Variants in MPDZ observed in about 807,000 individuals in gnomAD.
MPDZ encodes multiple PDZ domain crumbs cell polarity complex component.
A neutral mutation model predicts 239.1 loss-of-function variants in MPDZ; 234 were observed. That is an observed-to-expected ratio of 0.98 (90% CI 0.88 to 1.09). MPDZ has a LOEUF of 1.09. Among genes scored for constraint, MPDZ ranks in the 50% least tolerant of loss-of-function variants. The pLI, the probability that MPDZ is intolerant of heterozygous loss-of-function variation, is 0.00. For missense variants in MPDZ, 3,175 were observed against 2,510.0 expected, an observed-to-expected ratio of 1.26 and a Z score of -5.66; for synonymous variants, 1,048 against 881.3, an observed-to-expected ratio of 1.19 and a Z score of -3.35.
In MPDZ at chr9:13,176,223, G is replaced by A. The variant is rs1403651787; in HGVS notation, c.2844C>T (p.Asn948=). 2 of 1,604,160 alleles carry A rather than the reference G, an allele frequency of 1.2e-6. No individual in the cohort carries two copies. The highest frequency in any genetic ancestry group is 2.2e-5 in the South Asian group (2 of 89,256). The part of the protein sequence containing the change: ...NAIEQQYECE[N]TIVWTESHLP... The stretch of plus-strand genomic sequence containing the variant: ...AATGAGATTCAGTCCACACTATTGT[G>A]TTTTCACATTCATATTGTTGTTCAA... The change falls in exon 20 of 47, where the codon AAC becomes AAT. Residue 948 remains asparagine, a synonymous_variant. Transcript: ENST00000319217.
chr9:13,219,458 A>C (rs1958787551), intron 8 of MPDZ, 101 bp downstream of exon 8: 1 of 1,009,760 alleles, frequency 9.9e-7, no homozygotes, highest in Non-Finnish European at 1.5e-6. Flanking sequence ...CTTTAGCACT[A>C]ATATAGGAAC....
intron 1 of MPDZ, among the ~76,000 whole-genome samples, chr9:13,268,994 T>C (rs931679526): frequency 1.3e-5 from 2 of 152,064 alleles, no homozygotes; most frequent in South Asian, 2.1e-4. Context: ...CTAATGATAA[T>C]ACAACCAGAT....
At chr9:13,165,457 A>G in intron 22 of MPDZ, 1 of 1,546,238 alleles carries the variant, frequency 6.5e-7, no homozygotes, top group Non-Finnish European at 8.7e-7. Context: ...TGGTGTTAAC[A>G]AATGTCAATG....
chr9:13,143,401 G>A, intron 27 of MPDZ, 65 bp downstream of exon 27: 1 of 1,213,112 alleles, frequency 8.2e-7, no homozygotes. Context: ...CAAAGACACA[G>A]TAGTAACAAA....
At chr9:13,169,592 C>A (rs1032578664) in intron 21 of MPDZ, among the ~76,000 whole-genome samples, 15 of 152,104 alleles carry the variant, frequency 9.9e-5, no homozygotes, top group African/African-American at 3.4e-4. Flanking sequence ...CCTAACTGGT[C>A]ACCTGCCTTC....
intron 16 of MPDZ, among the ~76,000 whole-genome samples, chr9:13,189,904 C>T (rs897232565): frequency 2.0e-5 from 3 of 152,014 alleles, no homozygotes; most frequent in Admixed American, 1.3e-4. Flanking sequence ...AATGTATCTT[C>T]CAATTCCAAG....
chr9:13,216,757 T>A lies in MPDZ; in HGVS notation c.1290+17A>T, dbSNP rs1309312036. On this transcript the variant is annotated intron_variant, in intron 10 of 46. Coordinates refer to ENST00000319217, the MANE Select transcript of MPDZ (RefSeq NM_001378778.1). ...ACCATGAAAATTAACAAAGCTATTGTTAAATGTGTAACTTACTGCTATAAT... is the reference window on the plus strand; with the variant it reads ...ACCATGAAAATTAACAAAGCTATTGATAAATGTGTAACTTACTGCTATAAT... 1 of 1,557,590 alleles carries A rather than the reference T, an allele frequency of 6.4e-7. No homozygotes were observed. The highest frequency in any genetic ancestry group is 8.8e-7 in the Non-Finnish European group (1 of 1,133,658).
At chr9:13,207,418 C>T (rs1215095335) in intron 10 of MPDZ, among the ~76,000 whole-genome samples, 1 of 152,178 alleles carries the variant, frequency 6.6e-6, no homozygotes, top group Non-Finnish European at 1.5e-5. Flanking sequence ...CTCTGCCCCT[C>T]AGCCACAGAG....
In MPDZ at chr9:13,176,333, G is replaced by C; in HGVS notation, c.2734C>G (p.Gln912Glu). Reference sequence around the variant, plus strand: ...TCCACCGAAGGTGTATTCTCATCCTGTCTTTGCAGGAGATTCTGGGTATAT... The same window carrying C: ...TCCACCGAAGGTGTATTCTCATCCTCTCTTTGCAGGAGATTCTGGGTATAT... Reference protein sequence around the residue: ...ELYTQNLLQRQDENTPSVDIS... With the variant: ...ELYTQNLLQREDENTPSVDIS... Residue 912 changes from glutamine (Q) to glutamate (E), a missense_variant, in exon 20 of 47, where the codon CAG becomes GAG. Gln to Glu is a conservative substitution (Grantham distance 29). Transcript: ENST00000319217. The C allele has an allele frequency of 2.5e-6, 4 of 1,608,534 alleles. No homozygotes were observed. Among genetic ancestry groups the C allele is most frequent in the South Asian group, 2.2e-5 (2 of 89,952 alleles).
intron 19 of MPDZ, among the ~76,000 whole-genome samples, chr9:13,180,243 G>C (rs935961879): frequency 6.6e-6 from 1 of 152,158 alleles, no homozygotes; most frequent in South Asian, 2.1e-4. Flanking sequence ...TAATTTGTAA[G>C]AATGTTCAGA....
chr9:13,241,442 C>G (rs1428465486), intron 3 of MPDZ, among the ~76,000 whole-genome samples: 1 of 152,172 alleles, frequency 6.6e-6, no homozygotes, highest in Non-Finnish European at 1.5e-5. Flanking sequence ...TGTCCTCCTT[C>G]CCCTACCAAC....
chr9:13,132,857 A>C (rs1189813905), intron 32 of MPDZ, among the ~76,000 whole-genome samples: 1 of 152,120 alleles, frequency 6.6e-6, no homozygotes, highest in Non-Finnish European at 1.5e-5. Flanking sequence ...GTCTGGCTTT[A>C]AGTCTGCTCC....
At chr9:13,253,642 C>A (rs777140671) in intron 1 of MPDZ, among the ~76,000 whole-genome samples, 16 of 152,236 alleles carry the variant, frequency 1.1e-4, no homozygotes, top group Non-Finnish European at 1.9e-4. Flanking sequence ...TCATGGCCAA[C>A]TGGCATGACT....
Position 13,186,314 on chromosome 9 carries a change from C to T in MPDZ, c.2437G>A (p.Ala813Thr), listed in dbSNP as rs768782457. 1.9e-6 allele frequency: 3 copies of T among 1,596,566 alleles called. No individual in the cohort carries two copies. Among genetic ancestry groups the T allele is most frequent in the South Asian group, 1.1e-5 (1 of 87,732 alleles). Residue 813 changes from alanine (A) to threonine (T), a missense_variant, in exon 18 of 47, where the codon GCA becomes ACA. Physicochemically the swap from Ala to Thr is moderately conservative, Grantham distance 58. Transcript: ENST00000319217. Reference sequence around the variant, plus strand: ...AAGAGGGGTTTGTCAGCCAGCCCTGCTTCCTCACAGGAGTGTGGTGGGTAG... The same window carrying T: ...AAGAGGGGTTTGTCAGCCAGCCCTGTTTCCTCACAGGAGTGTGGTGGGTAG... ...FLYPPHSCEE[A>T]GLADKPLFRA...
intron 18 of MPDZ, among the ~76,000 whole-genome samples, chr9:13,184,120 T>C (rs1418054128): frequency 2.0e-5 from 3 of 152,028 alleles, no homozygotes; most frequent in African/African-American, 2.4e-5. Context: ...GCTAAAATTA[T>C]ACTAACAAAC....
At position 13,176,313 on chromosome 9, in the gene MPDZ, C is replaced by T. The variant is rs2274856; in HGVS notation, c.2754G>A (p.Ser918=). 444,739 of 1,607,748 alleles carry T rather than the reference C, an allele frequency of 0.28. 64,830 individuals carry two copies. Among genetic ancestry groups the T allele is most frequent in the East Asian group, 0.48 (21,605 of 44,570 alleles). Residue 918 remains serine, a synonymous_variant, in exon 20 of 47, where the codon TCG becomes TCA. Coordinates refer to ENST00000319217, the MANE Select transcript of MPDZ (RefSeq NM_001378778.1). The part of the protein sequence containing the change: ...LLQRQDENTP[S]VDISMGPASG... ...AAGCAGGCCCCATACTTATGTCCAC[C>T]GAAGGTGTATTCTCATCCTGTCTTT...
In MPDZ at chr9:13,140,506, T is replaced by TATAG. The variant is rs566225012; in HGVS notation, c.3841-361_3841-358dup. Among the ~76,000 whole-genome samples the TATAG allele has an allele frequency of 9.2e-3, 1,378 of 149,402 alleles. 30 individuals are homozygous for TATAG. The highest frequency in any genetic ancestry group is 0.032 in the African/African-American group (1,295 of 40,888). ...ATTTCCATATATATCTATGTATATA[T>TATAG]ATAGATAGATAGATAGATATGAAAT... is the stretch of plus-strand genomic sequence containing the variant. On this transcript the variant is annotated intron_variant, in intron 27 of 46. Coordinates refer to ENST00000319217, the MANE Select transcript of MPDZ (RefSeq NM_001378778.1).
chr9:13,264,364 T>C (rs1971340984), intron 1 of MPDZ, among the ~76,000 whole-genome samples: 1 of 152,178 alleles, frequency 6.6e-6, no homozygotes, highest in African/African-American at 2.4e-5. Context: ...ATATATTTTA[T>C]GATACTTTGA....
In MPDZ at chr9:13,136,739, G is replaced by A. The variant is rs1159062055; in HGVS notation, c.4265C>T (p.Pro1422Leu). Residue 1422 changes from proline (P) to leucine (L), a missense_variant, in exon 30 of 47, where the codon CCT (proline) becomes CTT (leucine). Coordinates refer to ENST00000319217, the MANE Select transcript of MPDZ (RefSeq NM_001378778.1). ...GATAAAAATTATTTTCACTTTAGAAGGGGCACATTTAATGATTGATGAGGC... is the reference window on the plus strand; with the variant it reads ...GATAAAAATTATTTTCACTTTAGAAAGGGCACATTTAATGATTGATGAGGC... ...QNASSIIKCAPSKVKIIFIRN... is the reference protein window; with the variant it reads ...QNASSIIKCALSKVKIIFIRN... 2 of 1,599,212 alleles carry A rather than the reference G, an allele frequency of 1.3e-6. No homozygotes were observed. Among genetic ancestry groups the A allele is most frequent in the Non-Finnish European group, 1.7e-6 (2 of 1,170,812 alleles).
Sources: allele counts gnomAD v4.1 joint callset (sites outside exome capture counted in the v4.1 genomes callset), GRCh38; gene constraint gnomAD v4.1.1; transcripts MANE v1.5; gene names NCBI Gene and HGNC (gene_info 2026-07-23, HGNC 2026-07-21).